Variants in ELP6 observed in about 807,000 individuals in gnomAD.
ELP6 encodes elongator complex protein 6.
ELP6 carries 23 observed loss-of-function variants against 28.1 expected under a neutral mutation model. That is an observed-to-expected ratio of 0.82 (90% CI 0.59 to 1.16). The LOEUF is 1.16. Among genes scored for constraint, ELP6 ranks in the 50% most tolerant of loss-of-function variants. The pLI, the probability that ELP6 is intolerant of heterozygous loss-of-function variation, is 0.00. For synonymous variants in ELP6, 132 were observed against 135.8 expected (o/e 0.97, Z 0.19); for missense variants, 313 against 334.6 (o/e 0.94, Z 0.50).
At chr3:47,513,456 G>A (rs1401392016) in intron 1 of ELP6, 81 bp downstream of exon 1, 15 of 1,571,812 alleles carry the variant, frequency 9.5e-6, no homozygotes, top group Non-Finnish European at 8.6e-7. Flanking sequence ...CATTCCCCGG[G>A]GTCGTGCGCA....
chr3:47,513,710 G>A lies in ELP6; in HGVS notation c.-120C>T. On this transcript the variant is annotated 5_prime_UTR_variant, in exon 1 of 7. Transcript: ENST00000296149. The stretch of plus-strand genomic sequence containing the variant: ...GCGCAAGGAAGCGCGCATGCGCAAT[G>A]CCACTTTTGCGAGCCAGCCACAGCC... 4 of 1,292,732 alleles carry A rather than the reference G, an allele frequency of 3.1e-6. No individual in the cohort carries two copies. Among genetic ancestry groups the A allele is most frequent in the South Asian group, 1.3e-5 (1 of 78,378 alleles). The allele number at this position is 1,292,732 out of a possible 1,614,324, so 80.1% of individuals were successfully genotyped here. A position where few individuals can be genotyped will look rare whatever the true frequency, so the allele number is the denominator to read the frequency against.
intron 3 of ELP6, among the ~76,000 whole-genome samples, chr3:47,506,699 T>C (rs890824352): frequency 1.6e-4 from 24 of 152,202 alleles, no homozygotes; most frequent in Non-Finnish European, 2.5e-4. Flanking sequence ...AGATTTCATA[T>C]TGTTCAAACA....
intron 3 of ELP6, chr3:47,504,749 A>G: frequency 1.7e-6 from 1 of 603,220 alleles, no homozygotes; most frequent in Non-Finnish European, 2.1e-6. Context: ...TGAGCCCAGA[A>G]GTTTGAGACA....
intron 4 of ELP6, chr3:47,502,489 C>T: frequency 1.0e-6 from 1 of 983,180 alleles, no homozygotes; most frequent in Non-Finnish European, 1.2e-6. Context: ...TCTGGAAGAT[C>T]AGCTTGGATT....
chr3:47,497,363 G>C, intron 6 of ELP6: 1 of 982,770 alleles, frequency 1.0e-6, no homozygotes, highest in Non-Finnish European at 1.2e-6. Flanking sequence ...TTGAGACAGA[G>C]TCTCACTCTG....
intron 6 of ELP6, chr3:47,496,894 C>A (rs897207101): frequency 1.0e-6 from 1 of 985,306 alleles, no homozygotes; most frequent in Non-Finnish European, 1.2e-6. Flanking sequence ...CCCAGGAAGG[C>A]TAGATACCTG....
chr3:47,512,727 A>C (rs1709050243), intron 1 of ELP6: 1 of 978,358 alleles, frequency 1.0e-6, no homozygotes, highest in Admixed American at 6.1e-5. Context: ...CCTGCTTCTA[A>C]CAGTTCTATT....
chr3:47,513,310 A>C (rs943835305), intron 1 of ELP6: 6 of 1,362,564 alleles, frequency 4.4e-6, no homozygotes, highest in Non-Finnish European at 5.6e-6. Context: ...GGGACTTTTA[A>C]GGACACGCAC....
At chr3:47,511,019 C>G (rs1230111118) in intron 2 of ELP6, 129 bp downstream of exon 2, 1 of 710,260 alleles carries the variant, frequency 1.4e-6, no homozygotes, top group South Asian at 1.8e-5. Context: ...AATAAAATAG[C>G]CCCCCTAGGT....
intron 1 of ELP6, chr3:47,512,608 C>T (rs1709046647): frequency 1.0e-6 from 1 of 985,152 alleles, no homozygotes; most frequent in Non-Finnish European, 1.2e-6. Flanking sequence ...GTTACTCCTA[C>T]GTTAAAATGT....
At chr3:47,501,046 T>C (rs1247083353) in intron 5 of ELP6, among the ~76,000 whole-genome samples, 1 of 152,206 alleles carries the variant, frequency 6.6e-6, no homozygotes, top group Non-Finnish European at 1.5e-5. Context: ...TCCTATTTTA[T>C]TGATTGGCCT....
chr3:47,498,176 C>A, intron 6 of ELP6, 110 bp downstream of exon 6: 1 of 1,474,700 alleles, frequency 6.8e-7, no homozygotes, highest in Non-Finnish European at 9.2e-7. Flanking sequence ...TCCCTTCCAC[C>A]TGAAGTCATG....
rs914765305 is a variant in ELP6, at chr3:47,510,222, G to A, written c.166C>T (p.Gln56Ter). ...ACGATACTGTAGTGGCTGAAGGACT[G>A]GATGAGTGCCACAAAGCAGACTTTA... ...NCKVCFVALIQSFSHYSIVGQ... is the reference protein window; with the variant it reads ...NCKVCFVALI The change falls in exon 3 of 7, where the codon CAG (glutamine) becomes TAG (stop). Residue 56 changes from glutamine (Q) to a stop codon, truncating the protein, a stop_gained. Transcript: ENST00000296149. LOFTEE classifies it high-confidence loss of function. 5.0e-6 allele frequency: 8 copies of A among 1,613,886 alleles called. No individual in the cohort carries two copies. The African/African-American group carries it at 9.3e-5, about 19-fold the overall frequency.
rs192538556 is a variant in ELP6, at chr3:47,499,891, G to T, written c.526-1459C>A. On this transcript the variant is annotated intron_variant, in intron 5 of 6. Transcript: ENST00000296149. ...AGAAGCTGCAGTGGGACCCGGAGGCGAAGCATATGGAGGTGGAGGACGTGA... is the reference window on the plus strand; with the variant it reads ...AGAAGCTGCAGTGGGACCCGGAGGCTAAGCATATGGAGGTGGAGGACGTGA... 1.3e-5 allele frequency: 16 copies of T among 1,278,360 alleles called. No homozygotes were observed. In the African/African-American group the frequency reaches 2.3e-4, roughly 19 times the overall value. 79.2% of individuals were successfully genotyped at this position (1,278,360 alleles called of 1,614,324 possible).
chr3:47,505,481 T>C lies in ELP6; in HGVS notation c.205-1033A>G, dbSNP rs187013723. On this transcript the variant is annotated intron_variant, in intron 3 of 6. Transcript: ENST00000296149. ...GTGCAGTGACGCAATCTCAGCTCAC[T>C]GCAACCTCTGCCTCCTAGGTTCAAG... Among the ~76,000 whole-genome samples the C allele has an allele frequency of 2.0e-5, 3 of 152,286 alleles. No individual in the cohort carries two copies. The East Asian group carries it at 5.8e-4, about 29-fold the overall frequency.
At chr3:47,499,760 G>C in intron 5 of ELP6, 1 of 1,041,458 alleles carries the variant, frequency 9.6e-7, no homozygotes, top group Non-Finnish European at 1.2e-6. Flanking sequence ...CTGTAGGGGT[G>C]CAAAGCAGCA....
intron 3 of ELP6, among the ~76,000 whole-genome samples, chr3:47,509,686 G>C (rs1708955020): frequency 6.6e-6 from 1 of 152,164 alleles, no homozygotes; most frequent in African/African-American, 2.4e-5. Flanking sequence ...TCTACAAACA[G>C]CAGGTCTGGT....
chr3:47,510,723 T>A (rs902928840), intron 2 of ELP6, among the ~76,000 whole-genome samples: 2 of 152,212 alleles, frequency 1.3e-5, no homozygotes, highest in Non-Finnish European at 2.9e-5. Flanking sequence ...GCCTCCCGAA[T>A]GCTGGGATTA....
chr3:47,511,066 T>C (rs1709001410), intron 2 of ELP6, 82 bp downstream of exon 2: 18 of 1,214,398 alleles, frequency 1.5e-5, no homozygotes, highest in Non-Finnish European at 2.2e-5. Context: ...AATGCTGTTA[T>C]TGCTTCCTTA....
Sources: allele counts gnomAD v4.1 joint callset (sites outside exome capture counted in the v4.1 genomes callset), GRCh38; gene constraint gnomAD v4.1.1; transcripts MANE v1.5; gene names NCBI Gene and HGNC (gene_info 2026-07-23, HGNC 2026-07-21).